The following CNTN4 variants were observed in gnomAD, a reference collection of about 807,000 sequenced individuals.
The protein encoded by CNTN4 is contactin 4, also known as contactin-4.
A neutral mutation model predicts 122.5 loss-of-function variants in CNTN4; 77 were observed. The observed-to-expected ratio is 0.63, with a 90% confidence interval of 0.52 to 0.76. The LOEUF (loss-of-function observed/expected upper bound fraction) is 0.76, where lower values mean the gene tolerates loss of function less well. CNTN4 is among the 30% of genes least tolerant of loss of function. The pLI is 0.00. For missense variants in CNTN4, 1,256 were observed against 1,259.1 expected (o/e 1.00, Z 0.04); for synonymous variants, 512 against 447.0 (o/e 1.15, Z -1.83).
chr3:2,587,752 T>A (rs2149625015), intron 4 of CNTN4, among the ~76,000 whole-genome samples: 1 of 152,318 alleles, frequency 6.6e-6, no homozygotes, highest in East Asian at 1.9e-4. Flanking sequence ...TAAATAAATT[T>A]TAGAGGAAAT....
At chr3:2,363,173 T>G (rs2045230762) in intron 3 of CNTN4, among the ~76,000 whole-genome samples, 1 of 152,180 alleles carries the variant, frequency 6.6e-6, no homozygotes, top group African/African-American at 2.4e-5. Flanking sequence ...AGCCATGTTT[T>G]TAGCACCTTG....
At chr3:2,881,303 A>G (rs2093906840) in intron 8 of CNTN4, among the ~76,000 whole-genome samples, 1 of 152,194 alleles carries the variant, frequency 6.6e-6, no homozygotes, top group Non-Finnish European at 1.5e-5. Context: ...ACCTGAGGTC[A>G]GGAATTCAAG....
intron 3 of CNTN4, among the ~76,000 whole-genome samples, chr3:2,460,931 A>G (rs535323019): frequency 3.9e-5 from 6 of 152,282 alleles, no homozygotes; most frequent in African/African-American, 1.4e-4. Context: ...GAAGACGATA[A>G]GCTAAGCTGA....
chr3:2,201,180 A>C (rs11706333), intron 2 of CNTN4, among the ~76,000 whole-genome samples: 6,804 of 152,228 alleles, frequency 0.045, 264 homozygotes, highest in African/African-American at 0.11. Flanking sequence ...CTCCCACAGG[A>C]CAGGGCATTT....
rs964306963 is a variant in CNTN4, at chr3:2,179,910, TACTC to T, written c.-145+79273_-145+79276del. Among the ~76,000 whole-genome samples, 40 of 152,158 alleles carry T rather than the reference TACTC, an allele frequency of 2.6e-4. No individual in the cohort carries two copies. In the Middle Eastern group the frequency reaches 0.01, roughly 39 times the overall value. On this transcript the variant is annotated intron_variant, in intron 2 of 24. Transcript: ENST00000418658. ...TGTAAAATAATCATTACTTCATAGG[TACTC>T]AGTTGTAAAAAAGATTAGTGAAATA... is the stretch of plus-strand genomic sequence containing the variant.
chr3:2,737,829 A>G (rs1269081190), intron 5 of CNTN4, among the ~76,000 whole-genome samples: 3 of 152,224 alleles, frequency 2.0e-5, no homozygotes, highest in Non-Finnish European at 4.4e-5. Context: ...AGTAAATGTG[A>G]ACAAGAAATA....
At chr3:2,252,045 A>C (rs192659887) in intron 2 of CNTN4, among the ~76,000 whole-genome samples, 1,897 of 152,086 alleles carry the variant, frequency 0.012, 22 homozygotes, top group Middle Eastern at 0.031. Context: ...TATGTATTTC[A>C]GTGTAACCTG....
intron 4 of CNTN4, among the ~76,000 whole-genome samples, chr3:2,705,757 TATAATATATATTTATTATATATAATAC>T (rs1294004955): frequency 3.3e-4 from 33 of 101,354 alleles, no homozygotes; most frequent in African/African-American, 1.4e-3. Flanking sequence ...ATATATAATA[TATAATATATATTTATTATATATAATAC>T]ATAATATATA....
intron 3 of CNTN4, among the ~76,000 whole-genome samples, chr3:2,530,067 T>C (rs2077540168): frequency 6.6e-6 from 1 of 152,132 alleles, no homozygotes; most frequent in Admixed American, 6.6e-5. Context: ...AGTGGAATCA[T>C]TACCTTCTGC....
chr3:2,574,584 T>A (rs899538), intron 4 of CNTN4, among the ~76,000 whole-genome samples: 1 of 152,314 alleles, frequency 6.6e-6, no homozygotes, highest in Admixed American at 6.5e-5. Context: ...AAACTATTGA[T>A]GCCAGTAATC....
At chr3:2,979,481 C>T (rs909787384) in intron 13 of CNTN4, among the ~76,000 whole-genome samples, 2 of 152,130 alleles carry the variant, frequency 1.3e-5, no homozygotes, top group African/African-American at 4.8e-5. Flanking sequence ...TAAATTTTAG[C>T]TCTTCAGGAG....
chr3:2,961,114 C>G (rs1241463792), intron 13 of CNTN4, among the ~76,000 whole-genome samples: 11 of 141,694 alleles, frequency 7.8e-5, no homozygotes, highest in African/African-American at 2.8e-4. Flanking sequence ...CCTGTAGTCC[C>G]AGCTACTCGG....
chr3:2,901,934 C>A, intron 11 of CNTN4, among the ~76,000 whole-genome samples: 1 of 152,072 alleles, frequency 6.6e-6, no homozygotes, highest in East Asian at 1.9e-4. Flanking sequence ...GGATCAGCCT[C>A]CTGAGGAGTG....
At chr3:2,758,016 C>G (rs1486062168) in intron 6 of CNTN4, among the ~76,000 whole-genome samples, 2 of 152,152 alleles carry the variant, frequency 1.3e-5, no homozygotes, top group East Asian at 1.9e-4. Flanking sequence ...TTCATAGCCT[C>G]TACTTTTTTT....
At chr3:2,264,979 T>C (rs1174552932) in intron 2 of CNTN4, among the ~76,000 whole-genome samples, 1 of 152,078 alleles carries the variant, frequency 6.6e-6, no homozygotes, top group African/African-American at 2.4e-5. Context: ...GTGTACAATA[T>C]GTCCAATGTG....
At chr3:2,176,183 A>G (rs1320835063) in intron 2 of CNTN4, among the ~76,000 whole-genome samples, 1 of 152,198 alleles carries the variant, frequency 6.6e-6, no homozygotes, top group Non-Finnish European at 1.5e-5. Context: ...GCCTTCTAGG[A>G]TGAGCAGATT....
At chr3:2,495,003 G>A (rs2076417105) in intron 3 of CNTN4, among the ~76,000 whole-genome samples, 1 of 152,040 alleles carries the variant, frequency 6.6e-6, no homozygotes, top group Non-Finnish European at 1.5e-5. Context: ...TTCCTACAAA[G>A]GTAGTCCATT....
At chr3:2,347,532 C>T (rs1426576987) in intron 3 of CNTN4, among the ~76,000 whole-genome samples, 1 of 150,938 alleles carries the variant, frequency 6.6e-6, no homozygotes, top group Non-Finnish European at 1.5e-5. Flanking sequence ...GCCTCAGCCT[C>T]CCTAGTAACT....
chr3:2,702,968 T>G (rs1001075876), intron 4 of CNTN4, among the ~76,000 whole-genome samples: 1 of 152,202 alleles, frequency 6.6e-6, no homozygotes, highest in Non-Finnish European at 1.5e-5. Context: ...TGTCCTTTCT[T>G]GATATTCTCA....
Sources: gnomAD v4.1 joint callset for allele counts (sites outside exome capture counted in the v4.1 genomes callset) on GRCh38, gnomAD v4.1.1 for gene constraint, MANE v1.5 for transcripts, NCBI Gene and HGNC (gene_info 2026-07-23, HGNC 2026-07-21) for gene names.